Variants in SMCO4 observed in about 807,000 individuals in gnomAD.
SMCO4 encodes the protein single-pass membrane and coiled-coil domain-containing protein 4.
SMCO4 carries 4 observed loss-of-function variants against 3.6 expected under a neutral mutation model. The ratio of observed to expected loss-of-function variants is 1.11; its 90% CI spans 0.54 to 2.53. The LOEUF (loss-of-function observed/expected upper bound fraction) is 2.53. SMCO4 is among the 30% of genes most tolerant of loss of function. SMCO4 has a pLI of 0.02. For synonymous variants in SMCO4, 36 were observed against 35.3 expected, an observed-to-expected ratio of 1.02 and a Z score of -0.07; for missense variants, 70 against 80.8, an observed-to-expected ratio of 0.87 and a Z score of 0.51.
chr11:93,483,664 C>T (rs1321684130), intron 2 of SMCO4, among the ~76,000 whole-genome samples: 2 of 152,206 alleles, frequency 1.3e-5, no homozygotes, highest in Admixed American at 6.5e-5. Context: ...ATGAACGCCT[C>T]TTTCAACTTT....
At chr11:93,541,145 G>A (rs1949267668) in intron 1 of SMCO4, among the ~76,000 whole-genome samples, 1 of 152,220 alleles carries the variant, frequency 6.6e-6, no homozygotes, top group Non-Finnish European at 1.5e-5. Flanking sequence ...ATTAATGTGT[G>A]GTGTGACCCT....
At chr11:93,514,425 A>C (rs1371617821) in intron 1 of SMCO4, among the ~76,000 whole-genome samples, 1 of 81,114 alleles carries the variant, frequency 1.2e-5, no homozygotes, top group Non-Finnish European at 2.6e-5. Context: ...TATATATAAA[A>C]TTTGGTCTCT....
At position 93,529,494 on chromosome 11, in the gene SMCO4, A is replaced by G. The variant is rs191982977; in HGVS notation, c.-154+13782T>C. On this transcript the variant is annotated intron_variant, in intron 1 of 2. Coordinates refer to ENST00000298966, the MANE Select transcript of SMCO4 (RefSeq NM_020179.3). ...ATCGGCCTCCCAGATAACCTCCCCA[A>G]GCAGGCTGCTTCTGGCACTATCTTG... Among the ~76,000 whole-genome samples the G allele has an allele frequency of 1.6e-3, 236 of 152,214 alleles. 2 individuals carry two copies. In the East Asian group the frequency reaches 0.018, roughly 12 times the overall value.
chr11:93,490,807 T>C (rs2134581789), intron 2 of SMCO4, among the ~76,000 whole-genome samples: 1 of 152,348 alleles, frequency 6.6e-6, no homozygotes, highest in South Asian at 2.1e-4. Flanking sequence ...GGAGCCAGAC[T>C]GAACTGCCTT....
intron 1 of SMCO4, among the ~76,000 whole-genome samples, chr11:93,526,736 A>C (rs779461034): frequency 6.6e-6 from 1 of 152,102 alleles, no homozygotes; most frequent in Non-Finnish European, 1.5e-5. Context: ...TTTTCCCTAC[A>C]TCATGACATT....
intron 2 of SMCO4, among the ~76,000 whole-genome samples, chr11:93,481,923 C>T (rs566488572): frequency 1.3e-5 from 2 of 152,366 alleles, no homozygotes; most frequent in South Asian, 4.1e-4. Context: ...GGCCTGACTT[C>T]CCTCCTGCAC....
rs186156525 is a variant in SMCO4, at chr11:93,516,351, T to G, written c.-153-17003A>C. 2.8e-3 allele frequency among the ~76,000 whole-genome samples: 421 copies of G among 152,266 alleles called. 1 individual carries two copies. The highest frequency in any genetic ancestry group is 3.1e-3 in the Non-Finnish European group (210 of 68,030). ...TAACTGCTAAGCTCTGTTCTTCAGATCCCAAGTCCAATAATCTTGCTTCTT... is the reference window on the plus strand; with the variant it reads ...TAACTGCTAAGCTCTGTTCTTCAGAGCCCAAGTCCAATAATCTTGCTTCTT... On this transcript the variant is annotated intron_variant, in intron 1 of 2. Coordinates refer to ENST00000298966, the MANE Select transcript of SMCO4 (RefSeq NM_020179.3).
intron 1 of SMCO4, among the ~76,000 whole-genome samples, chr11:93,500,760 G>A (rs1265024202): frequency 6.6e-6 from 1 of 152,214 alleles, no homozygotes; most frequent in Non-Finnish European, 1.5e-5. Flanking sequence ...CTGAGTTAGA[G>A]GGTCTATAAA....
the SMCO4 span, among the ~76,000 whole-genome samples, chr11:93,550,511 A>G: frequency 6.6e-6 from 1 of 152,020 alleles, no homozygotes; most frequent in African/African-American, 2.4e-5. Flanking sequence ...AATTTTAAAA[A>G]ATTAAAAAAT....
intron 1 of SMCO4, among the ~76,000 whole-genome samples, chr11:93,522,445 C>T (rs1303490801): frequency 6.6e-6 from 1 of 152,218 alleles, no homozygotes; most frequent in Non-Finnish European, 1.5e-5. Flanking sequence ...TCATGTGGCA[C>T]GACCAGTTTA....
chr11:93,499,528 C>A (rs915504288), intron 1 of SMCO4, among the ~76,000 whole-genome samples, 180 bp from the exon 2 acceptor site: 1 of 152,320 alleles, frequency 6.6e-6, no homozygotes. Flanking sequence ...CAGACAGATA[C>A]ACTGGCACAT....
intron 2 of SMCO4, 109 bp from the exon 3 acceptor site, chr11:93,479,378 A>G: frequency 1.8e-6 from 2 of 1,086,206 alleles, no homozygotes; most frequent in South Asian, 2.1e-5. Context: ...TTACATGACA[A>G]AGGGCTAAGA....
chr11:93,547,376 A>G (rs1343982152), upstream of SMCO4, among the ~76,000 whole-genome samples: 1 of 152,222 alleles, frequency 6.6e-6, no homozygotes, highest in Admixed American at 6.5e-5. Flanking sequence ...GATCAAGGAT[A>G]ACAAAACCAG....
intron 1 of SMCO4, among the ~76,000 whole-genome samples, chr11:93,542,648 G>A (rs1419986241): frequency 1.3e-5 from 2 of 152,074 alleles, no homozygotes; most frequent in East Asian, 1.9e-4. Flanking sequence ...GATGCCAGAG[G>A]CGTACCCAGC....
chr11:93,523,517 G>T (rs1227551595), intron 1 of SMCO4: 2 of 152,170 alleles, frequency 1.3e-5, no homozygotes, highest in East Asian at 3.9e-4. Flanking sequence ...AAATTAGCTG[G>T]ACATGGTGGC....
intron 2 of SMCO4, among the ~76,000 whole-genome samples, chr11:93,489,650 C>A (rs934791499): frequency 2.6e-5 from 4 of 152,220 alleles, no homozygotes; most frequent in Non-Finnish European, 5.9e-5. Context: ...AAGAGAAAGA[C>A]AATGTGAGGA....
chr11:93,552,867 T>C, the SMCO4 span, among the ~76,000 whole-genome samples: 3 of 152,164 alleles, frequency 2.0e-5, no homozygotes, highest in Non-Finnish European at 1.5e-5. Context: ...CTCAAATTCC[T>C]TTTAGGAAAT....
intron 2 of SMCO4, among the ~76,000 whole-genome samples, chr11:93,487,893 A>G (rs947185785): frequency 2.0e-5 from 3 of 152,066 alleles, no homozygotes; most frequent in South Asian, 4.1e-4. Flanking sequence ...AACAAAGATA[A>G]AAGTATCTAT....
At chr11:93,535,448 A>G in intron 1 of SMCO4, 2 of 1,337,122 alleles carry the variant, frequency 1.5e-6, no homozygotes, top group South Asian at 1.2e-5. Flanking sequence ...AAGCAGAGGG[A>G]GTCGAGCCAG....
Sources: allele counts gnomAD v4.1 joint callset (sites outside exome capture counted in the v4.1 genomes callset), GRCh38; gene constraint gnomAD v4.1.1; transcripts MANE v1.5; gene names NCBI Gene and HGNC (gene_info 2026-07-23, HGNC 2026-07-21).